Variants in AGT observed in about 807,000 individuals in gnomAD.
The protein encoded by AGT is angiotensinogen.
AGT carries 26 observed loss-of-function variants against 28.1 expected under a neutral mutation model. The ratio of observed to expected loss-of-function variants is 0.92; its 90% CI spans 0.68 to 1.28. AGT has a LOEUF of 1.28. Among genes scored for constraint, AGT ranks in the 50% most tolerant of loss-of-function variants. The pLI, the probability that AGT is intolerant of heterozygous loss-of-function variation, is 0.00. For synonymous variants in AGT, 259 were observed against 259.6 expected (o/e 1.00, Z 0.02); for missense variants, 596 against 592.3 (o/e 1.01, Z -0.06).
At chr1:230,737,861 G>A (rs1664182872) in intron 1 of AGT, among the ~76,000 whole-genome samples, 1 of 152,026 alleles carries the variant, frequency 6.6e-6, no homozygotes, top group Admixed American at 6.6e-5. Context: ...CAAAAAGAAA[G>A]CCTTTAGCCA....
At position 230,724,114 on chromosome 1, in the gene AGT, G is replaced by A. The variant is rs537591343; in HGVS notation, c.-30-13261C>T. Among the ~76,000 whole-genome samples the A allele has an allele frequency of 2.0e-5, 3 of 152,306 alleles. No individual in the cohort carries two copies. In the South Asian group the frequency reaches 6.2e-4, roughly 32 times the overall value. ...ACAAGTTTTATTGCAACACAGCCAT[G>A]CTCATTAGTTTATGAATAGTCCAGG... is the stretch of plus-strand genomic sequence containing the variant. On this transcript the variant is annotated intron_variant, in intron 1 of 4. Coordinates refer to the AGT transcript ENST00000681269.
At chr1:230,727,692 C>A (rs548279727) in intron 1 of AGT, among the ~76,000 whole-genome samples, 28 of 152,316 alleles carry the variant, frequency 1.8e-4, no homozygotes, top group African/African-American at 6.3e-4. Flanking sequence ...GGGAAAATGA[C>A]TTCTAGGGAA....
intron 1 of AGT, among the ~76,000 whole-genome samples, chr1:230,719,794 A>G (rs1431070793): frequency 1.3e-5 from 2 of 152,128 alleles, no homozygotes; most frequent in Non-Finnish European, 2.9e-5. Flanking sequence ...TGAGTCGTTT[A>G]CCTCTATCAA....
At chr1:230,731,509 C>T (rs1337186383) in intron 1 of AGT, among the ~76,000 whole-genome samples, 1 of 152,224 alleles carries the variant, frequency 6.6e-6, no homozygotes, top group African/African-American at 2.4e-5. Flanking sequence ...TCTCTACAGC[C>T]TTGGACCATG....
In AGT at chr1:230,710,013, T is replaced by C. The variant is rs777091946; in HGVS notation, c.811A>G (p.Thr271Ala). Residue 271 changes from threonine to alanine, a missense_variant, in exon 2 of 5, where the codon ACC becomes GCC. Thr to Ala is a moderately conservative substitution (Grantham distance 58). Coordinates refer to ENST00000366667, the MANE Select transcript of AGT (RefSeq NM_001384479.1). ...GCCTTACCTTGGAAGTGGACGTAGGTGTTGAAAGCCAGGGTGCTGTCCACA... is the reference window on the plus strand; with the variant it reads ...GCCTTACCTTGGAAGTGGACGTAGGCGTTGAAAGCCAGGGTGCTGTCCACA... ...ASVDSTLAFN[T>A]YVHFQGKMKG... 3.3e-5 allele frequency: 53 copies of C among 1,614,026 alleles called. No homozygotes were observed. The highest frequency in any genetic ancestry group is 6.7e-5 in the African/African-American group (5 of 74,926).
At chr1:230,720,691 C>T (rs894833768) in intron 1 of AGT, among the ~76,000 whole-genome samples, 1 of 152,240 alleles carries the variant, frequency 6.6e-6, no homozygotes, top group East Asian at 1.9e-4. Flanking sequence ...TGATTTTCTA[C>T]ACTGTCATGC....
upstream of AGT, among the ~76,000 whole-genome samples, chr1:230,715,747 T>G (rs1418538806): frequency 6.6e-6 from 1 of 152,190 alleles, no homozygotes; most frequent in East Asian, 1.9e-4. Flanking sequence ...GCCCAGTGTT[T>G]AAATATTTCG....
intron 1 of AGT, among the ~76,000 whole-genome samples, chr1:230,734,922 G>C (rs536381865): frequency 1.6e-4 from 24 of 152,060 alleles, no homozygotes; most frequent in South Asian, 8.3e-4. Context: ...CACCATGTTG[G>C]CCAGGATGGT....
rs1295599146 is a variant in AGT at position 230,708,537 on chromosome 1, C to T, written c.829+1458G>A. 2.0e-5 allele frequency among the ~76,000 whole-genome samples: 3 copies of T among 152,138 alleles called. No individual in the cohort carries two copies. In the East Asian group the frequency reaches 5.8e-4, roughly 29 times the overall value. ...CCCATCTATCACCTCTCCCTGAACC[C>T]GAAGGGAAAGACCTCAAGGAGGTTG... On this transcript the variant is annotated intron_variant, in intron 2 of 4. Transcript: ENST00000366667.
chr1:230,744,677 A>G (rs139021194), intron 1 of AGT, among the ~76,000 whole-genome samples: 5 of 152,316 alleles, frequency 3.3e-5, no homozygotes, highest in African/African-American at 1.2e-4. Context: ...CTAAGACTCT[A>G]AAGAAAAAGG....
At chr1:230,744,549 A>G (rs1032855107) in intron 1 of AGT, among the ~76,000 whole-genome samples, 3 of 152,180 alleles carry the variant, frequency 2.0e-5, no homozygotes, top group Non-Finnish European at 4.4e-5. Flanking sequence ...AGGGGGCAGG[A>G]GGAATTCCAG....
At chr1:230,715,580 G>A (rs921603279), upstream of AGT, among the ~76,000 whole-genome samples, 37 of 152,184 alleles carry the variant, frequency 2.4e-4, no homozygotes, top group African/African-American at 7.2e-4. Flanking sequence ...TCCTGCCTGC[G>A]AATGGGTTAG....
intron 4 of AGT, 27 bp downstream of exon 4, chr1:230,704,166 C>A: frequency 6.2e-7 from 1 of 1,614,200 alleles, no homozygotes; most frequent in Non-Finnish European, 8.5e-7. Flanking sequence ...GAACCCAGGT[C>A]AGGCACAGAC....
intron 1 of AGT, among the ~76,000 whole-genome samples, chr1:230,713,833 C>A: frequency 6.6e-6 from 1 of 152,128 alleles, no homozygotes. Context: ...TCCTGAGGAC[C>A]CTAACTTTTC....
Position 230,740,591 on chromosome 1 carries a change from T to C in AGT, c.-31+4924A>G, listed in dbSNP as rs150285894. ...AGAGTGTCACACAACAAAATCTAAA[T>C]ACAAGTTTTGGTGCGAGGTGGTAAC... On this transcript the variant is annotated intron_variant, in intron 1 of 4. Coordinates refer to the AGT transcript ENST00000681269. 4.3e-3 allele frequency among the ~76,000 whole-genome samples: 659 copies of C among 152,278 alleles called. 5 individuals carry two copies. The highest frequency in any genetic ancestry group is 6.9e-3 in the Non-Finnish European group (471 of 68,014).
chr1:230,732,366 C>A (rs562162003), intron 1 of AGT, among the ~76,000 whole-genome samples: 9 of 152,038 alleles, frequency 5.9e-5, no homozygotes, highest in Non-Finnish European at 1.0e-4. Context: ...CAGTGTCTGG[C>A]CAGAGGTAGG....
rs375261929 is a variant in AGT at position 230,703,227 on chromosome 1, G to A, written c.1345C>T (p.Arg449Cys). 298 of 1,614,198 alleles carry A rather than the reference G, an allele frequency of 1.8e-4. No individual in the cohort carries two copies. The South Asian group carries it at 2.2e-3, about 12-fold the overall frequency. ...TCATACACAGCAAACAGGAATGGGC[G>A]GTTCAGGGTCACCTCCAAGACCTCA... ...KPEVLEVTLN[R>C]PFLFAVYDQS... The change falls in exon 5 of 5, where the codon CGC becomes TGC. Residue 449 changes from arginine (R) to cysteine (C), a missense_variant. Physicochemically the swap from Arg to Cys is radical, Grantham distance 180 (BLOSUM62 -3). Transcript: ENST00000366667.
rs900292240 is a variant in AGT, at chr1:230,705,816, G to C, written c.1097+117C>G. On this transcript the variant is annotated intron_variant, in intron 3 of 4. Transcript: ENST00000366667. ...GCCTGCCCAGCCCCGTGCCACCGCG[G>C]CCCTGCCCTGCTCTGCACCCAAGGC... The C allele has an allele frequency of 4.3e-6, 6 of 1,392,308 alleles. No homozygotes were observed. In the African/African-American group the frequency reaches 7.1e-5, roughly 17 times the overall value. 86.2% of individuals were successfully genotyped at this position (1,392,308 alleles called of 1,614,324 possible).
At chr1:230,740,317 TTCTTTGTGACCTGTA>T (rs970451500) in intron 1 of AGT, among the ~76,000 whole-genome samples, 5 of 152,212 alleles carry the variant, frequency 3.3e-5, no homozygotes, top group Admixed American at 2.6e-4. Flanking sequence ...TATCAGTGGG[TTCTTTGTGACCTGTA>T]TCTTTGTGAC....
Sources: gnomAD v4.1 joint callset for allele counts (sites outside exome capture counted in the v4.1 genomes callset) on GRCh38, gnomAD v4.1.1 for gene constraint, MANE v1.5 for transcripts, NCBI Gene and HGNC (gene_info 2026-07-23, HGNC 2026-07-21) for gene names.